The following COG6 variants were observed in gnomAD, a reference collection of about 807,000 sequenced individuals.
COG6 encodes component of oligomeric golgi complex 6.
In COG6, 74 loss-of-function variants were observed where a neutral mutation model predicts 88.8. The observed-to-expected ratio is 0.83, with a 90% CI of 0.69 to 1.01. The LOEUF (loss-of-function observed/expected upper bound fraction) is 1.01. COG6 is among the 50% of genes least tolerant of loss of function. COG6 has a pLI of 0.00. For missense variants in COG6, 800 were observed against 797.9 expected, an observed-to-expected ratio of 1.00 and a Z score of -0.03; for synonymous variants, 286 against 278.7, an observed-to-expected ratio of 1.03 and a Z score of -0.26.
chr13:39,684,493 A>G (rs1044831346), intron 8 of COG6, among the ~76,000 whole-genome samples: 1 of 151,104 alleles, frequency 6.6e-6, no homozygotes, highest in Non-Finnish European at 1.5e-5. Context: ...CTCGTGATCC[A>G]CCCGCCTCGG....
chr13:39,733,612 T>C (rs1879578166), intron 18 of COG6, among the ~76,000 whole-genome samples: 1 of 151,914 alleles, frequency 6.6e-6, no homozygotes, highest in Non-Finnish European at 1.5e-5. Flanking sequence ...TTTTTCTTAA[T>C]CTGTCTTTGG....
In COG6 at chr13:39,689,767, A is replaced by G. The variant is rs1178752416; in HGVS notation, c.1017A>G (p.Glu339=). The change falls in exon 11 of 19, where the codon GAA becomes GAG. Residue 339 remains glutamate, a synonymous_variant. Transcript: ENST00000455146. ...TGTAGTCATTAATTTTAGGTGTTGA[A>G]GAAAATATTCAAGAAGTTGTTGGGC... ...LLKHVTTQGV[E]ENIQEVVGHI... 1.2e-6 allele frequency: 2 copies of G among 1,606,056 alleles called. No homozygotes were observed. Among genetic ancestry groups the G allele is most frequent in the Non-Finnish European group, 1.7e-6 (2 of 1,174,198 alleles).
intron 8 of COG6, among the ~76,000 whole-genome samples, chr13:39,685,629 C>T (rs369502467): frequency 6.6e-6 from 1 of 152,102 alleles, no homozygotes; most frequent in East Asian, 1.9e-4. Context: ...GCTATATATA[C>T]TTAAAAAGTT....
intron 12 of COG6, among the ~76,000 whole-genome samples, chr13:39,698,531 T>A (rs1877400351): frequency 6.6e-6 from 1 of 151,972 alleles, no homozygotes; most frequent in South Asian, 2.1e-4. Flanking sequence ...CTAATTTATT[T>A]TGGTTTCGGA....
At chr13:39,711,586 A>G (rs550615388) in intron 13 of COG6, among the ~76,000 whole-genome samples, 1 of 152,052 alleles carries the variant, frequency 6.6e-6, no homozygotes, top group Non-Finnish European at 1.5e-5. Flanking sequence ...ATTTGATATT[A>G]TTCCTTCCTC....
At chr13:39,761,088 T>C (rs1238198671) in intron 18 of COG6, among the ~76,000 whole-genome samples, 1 of 152,034 alleles carries the variant, frequency 6.6e-6, no homozygotes, top group Non-Finnish European at 1.5e-5. Context: ...ACTTCAACTC[T>C]ATGTATCAAT....
At chr13:39,789,672 C>T (rs1881883675) in exon 19 of COG6, 2 of 152,152 alleles carry the variant, frequency 1.3e-5, no homozygotes, top group South Asian at 4.1e-4. Flanking sequence ...CCCCCTCACC[C>T]TCTTTAAATT....
chr13:39,767,006 A>T (rs980096733), intron 18 of COG6, among the ~76,000 whole-genome samples: 12 of 152,138 alleles, frequency 7.9e-5, no homozygotes, highest in African/African-American at 2.4e-4. Context: ...TTGACTTGAC[A>T]TGTCTTGTTT....
At chr13:39,786,818 T>C (rs139782400) in intron 18 of COG6, among the ~76,000 whole-genome samples, 1 of 152,262 alleles carries the variant, frequency 6.6e-6, no homozygotes, top group East Asian at 1.9e-4. Flanking sequence ...GGTTGACTGA[T>C]TGATTCGTGT....
chr13:39,751,507 T>A lies in COG6; in HGVS notation c.*414T>A. ...AATAAATGTCTCCTTACCTAAAGATTCATTTGCTTTCTTTTAATATGAGTA... is the reference window on the plus strand; with the variant it reads ...AATAAATGTCTCCTTACCTAAAGATACATTTGCTTTCTTTTAATATGAGTA... On this transcript the variant is annotated 3_prime_UTR_variant, in exon 19 of 19. Coordinates refer to ENST00000455146, the MANE Select transcript of COG6 (RefSeq NM_020751.3). 7.8e-7 allele frequency: 1 copy of A among 1,274,906 alleles called. No individual in the cohort carries two copies. Among genetic ancestry groups the A allele is most frequent in the Non-Finnish European group, 1.0e-6 (1 of 977,392 alleles). 79.0% of individuals were successfully genotyped at this position (1,274,906 alleles called of 1,614,324 possible). A position where few individuals can be genotyped will look rare whatever the true frequency, so the allele number is the denominator to read the frequency against.
intron 17 of COG6, among the ~76,000 whole-genome samples, chr13:39,725,025 C>A (rs1284029805): frequency 6.6e-6 from 1 of 151,812 alleles, no homozygotes; most frequent in Non-Finnish European, 1.5e-5. Context: ...TCCTTCTTTT[C>A]AGGTGAAGAT....
intron 4 of COG6, among the ~76,000 whole-genome samples, chr13:39,671,711 A>G (rs1240568947): frequency 6.6e-6 from 1 of 151,994 alleles, no homozygotes; most frequent in Non-Finnish European, 1.5e-5. Context: ...ATGTACCTAT[A>G]TATGTTTCAA....
At chr13:39,716,616 T>TA in intron 13 of COG6, among the ~76,000 whole-genome samples, 1 of 152,254 alleles carries the variant, frequency 6.6e-6, no homozygotes, top group East Asian at 1.9e-4. Context: ...AGATACTTTC[T>TA]AGTCTACTAA....
intron 18 of COG6, among the ~76,000 whole-genome samples, chr13:39,775,201 G>T (rs529241093): frequency 1.0e-3 from 152 of 152,216 alleles, no homozygotes; most frequent in African/African-American, 3.2e-3. Flanking sequence ...AAGTTACTCT[G>T]GGAAAGTAAC....
At chr13:39,712,474 C>G (rs1878296273) in intron 13 of COG6, among the ~76,000 whole-genome samples, 1 of 152,116 alleles carries the variant, frequency 6.6e-6, no homozygotes, top group Non-Finnish European at 1.5e-5. Flanking sequence ...TATGTTGTAA[C>G]TATGCTGCAG....
upstream of COG6, chr13:39,655,644 G>A: frequency 4.0e-6 from 6 of 1,488,372 alleles, no homozygotes; most frequent in Non-Finnish European, 5.5e-6. Flanking sequence ...ATGCGCGGCC[G>A]ATTTGCACAT....
intron 18 of COG6, among the ~76,000 whole-genome samples, chr13:39,745,480 A>C (rs1246197934): frequency 6.6e-6 from 1 of 152,236 alleles, no homozygotes; most frequent in African/African-American, 2.4e-5. Context: ...GACACATGAA[A>C]AAATGCTCAT....
chr13:39,706,780 T>A (rs570696308), intron 13 of COG6, among the ~76,000 whole-genome samples: 62 of 152,116 alleles, frequency 4.1e-4, no homozygotes, highest in African/African-American at 1.5e-3. Flanking sequence ...TCCTCCTGGG[T>A]TCAAGCGATT....
At chr13:39,717,754 G>C (rs1381742369) in intron 13 of COG6, among the ~76,000 whole-genome samples, 1 of 152,038 alleles carries the variant, frequency 6.6e-6, no homozygotes, top group African/African-American at 2.4e-5. Flanking sequence ...AGTCCTAGCT[G>C]TTAATACTTG....
Sources: allele counts gnomAD v4.1 joint callset (sites outside exome capture counted in the v4.1 genomes callset), GRCh38; gene constraint gnomAD v4.1.1; transcripts MANE v1.5; gene names NCBI Gene and HGNC (gene_info 2026-07-23, HGNC 2026-07-21).